The following ADGRV1 variants were observed in gnomAD, a reference collection of about 807,000 sequenced individuals.
ADGRV1 encodes the protein G-protein coupled receptor 98.
Under a neutral mutation model 596.2 loss-of-function variants are expected in ADGRV1, and 359 were observed. The ratio of observed to expected loss-of-function variants is 0.60; its 90% confidence interval spans 0.55 to 0.66. The LOEUF (loss-of-function observed/expected upper bound fraction) is 0.66, where lower values mean the gene tolerates loss of function less well. ADGRV1 is among the 30% of genes least tolerant of loss of function. ADGRV1 has a pLI of 0.00. For missense variants in ADGRV1, 7,274 were observed against 7,575.6 expected, an observed-to-expected ratio of 0.96 and a Z score of 1.48; for synonymous variants, 2,681 against 2,679.2, an observed-to-expected ratio of 1.00 and a Z score of -0.02.
intron 83 of ADGRV1, among the ~76,000 whole-genome samples, chr5:90,958,651 C>T (rs1211706538): frequency 6.6e-6 from 1 of 152,136 alleles, no homozygotes; most frequent in Non-Finnish European, 1.5e-5. Flanking sequence ...CATCATCTCC[C>T]TTTGTCTTCA....
At chr5:90,950,809 G>C (rs528106793) in intron 83 of ADGRV1, among the ~76,000 whole-genome samples, 1 of 152,168 alleles carries the variant, frequency 6.6e-6, no homozygotes, top group East Asian at 1.9e-4. Context: ...GAGAGCTTAG[G>C]CTTGAGTATT....
At position 90,689,978 on chromosome 5, in the gene ADGRV1, T is replaced by C. The variant is rs200055351; in HGVS notation, c.6608T>C (p.Val2203Ala). 3,407 of 1,609,442 alleles carry C rather than the reference T, an allele frequency of 2.1e-3. 27 individuals carry two copies. The highest frequency in any genetic ancestry group is 0.019 in the Middle Eastern group (114 of 6,058). Residue 2203 changes from valine (V) to alanine (A), a missense_variant, in exon 30 of 90, where the codon GTG (valine) becomes GCG (alanine). Physicochemically the swap from Val to Ala is moderately conservative, Grantham distance 64 (BLOSUM62 0). Coordinates refer to ENST00000405460, the MANE Select transcript of ADGRV1 (RefSeq NM_032119.4). ...CCTGAACTGGAAGAATCTTTTCTTG[T>C]GCAACTGATGAATGAAACAACAGGA... ...IYPELEESFL[V>A]QLMNETTGGA...
intron 38 of ADGRV1, 118 bp downstream of exon 38, chr5:90,706,512 T>C (rs1245295238): frequency 2.3e-6 from 2 of 861,204 alleles, no homozygotes; most frequent in African/African-American, 3.4e-5. Flanking sequence ...TATATATACA[T>C]GTGCCATGTT....
chr5:91,090,930 AGT>A (rs1324264213), intron 86 of ADGRV1, among the ~76,000 whole-genome samples: 3 of 152,162 alleles, frequency 2.0e-5, no homozygotes, highest in Admixed American at 6.5e-5. Context: ...TAGGAATCAA[AGT>A]GTGTCATACA....
chr5:91,148,804 G>A (rs1448320267), intron 87 of ADGRV1, among the ~76,000 whole-genome samples: 1 of 152,160 alleles, frequency 6.6e-6, no homozygotes, highest in Non-Finnish European at 1.5e-5. Context: ...CTGGGAGGGG[G>A]TCTGTAATGT....
At chr5:90,787,913 A>AG (rs1165155946) in intron 67 of ADGRV1, among the ~76,000 whole-genome samples, 158 bp from the exon 68 acceptor site, 1 of 152,000 alleles carries the variant, frequency 6.6e-6, no homozygotes, top group Non-Finnish European at 1.5e-5. Flanking sequence ...ATTTTTAACA[A>AG]AAAAAAACAA....
At chr5:90,618,838 A>C (rs965197407) in intron 3 of ADGRV1, among the ~76,000 whole-genome samples, 3 of 151,852 alleles carry the variant, frequency 2.0e-5, no homozygotes, top group Non-Finnish European at 4.4e-5. Context: ...ATTATTTATA[A>C]TTATACTATC....
chr5:90,757,372 A>G (rs983759420), intron 57 of ADGRV1, among the ~76,000 whole-genome samples: 22 of 115,604 alleles, frequency 1.9e-4, no homozygotes, highest in Non-Finnish European at 3.7e-4. Context: ...CCCTTTTCTG[A>G]ACCCCCGCCC....
chr5:90,675,154 C>A, intron 23 of ADGRV1, 89 bp from the exon 24 acceptor site: 1 of 1,156,038 alleles, frequency 8.7e-7, no homozygotes, highest in African/African-American at 1.5e-5. Context: ...GCCTGGTGAT[C>A]AAAATAATTG....
chr5:90,648,374 T>G (rs1768097252), intron 17 of ADGRV1, among the ~76,000 whole-genome samples: 2 of 152,358 alleles, frequency 1.3e-5, no homozygotes, highest in African/African-American at 4.8e-5. Flanking sequence ...CTCTTGATAG[T>G]TATTTTATTC....
chr5:90,976,748 C>T (rs940643185), intron 84 of ADGRV1, among the ~76,000 whole-genome samples: 15 of 152,132 alleles, frequency 9.9e-5, no homozygotes, highest in Admixed American at 8.5e-4. Context: ...ATGATCACTT[C>T]CTGTCACCAA....
chr5:91,025,400 A>G (rs1016002331), intron 85 of ADGRV1, among the ~76,000 whole-genome samples: 3 of 152,092 alleles, frequency 2.0e-5, no homozygotes, highest in African/African-American at 7.2e-5. Context: ...AATACAAATT[A>G]TCAAAATAGA....
intron 36 of ADGRV1, 41 bp from the exon 37 acceptor site, chr5:90,705,359 T>A (rs1748455946): frequency 6.4e-7 from 1 of 1,574,606 alleles, no homozygotes; most frequent in East Asian, 2.2e-5. Context: ...GATTAAAAGC[T>A]AATGCCAAAT....
At chr5:90,963,958 T>A (rs757210503) in intron 83 of ADGRV1, among the ~76,000 whole-genome samples, 1 of 151,838 alleles carries the variant, frequency 6.6e-6, no homozygotes, top group Non-Finnish European at 1.5e-5. Context: ...ATGTTGGGTC[T>A]TATGTAATTG....
chr5:90,677,765 G>A (rs187587918), intron 25 of ADGRV1, among the ~76,000 whole-genome samples: 9 of 152,276 alleles, frequency 5.9e-5, no homozygotes, highest in South Asian at 2.1e-4. Context: ...TTGCAGTTGC[G>A]TAGGAAGCAA....
At chr5:91,040,691 G>A (rs905095596) in intron 85 of ADGRV1, among the ~76,000 whole-genome samples, 2 of 152,178 alleles carry the variant, frequency 1.3e-5, no homozygotes, top group Non-Finnish European at 2.9e-5. Flanking sequence ...ATGACAACAA[G>A]ATACTGATAG....
intron 83 of ADGRV1, among the ~76,000 whole-genome samples, chr5:90,960,155 A>AC (rs59928842): frequency 0.092 from 13,435 of 146,114 alleles, 1,116 homozygotes; most frequent in East Asian, 0.23. Context: ...AAAAAAAAAC[A>AC]AAAAACAGAT....
At chr5:90,935,871 A>T (rs1450698313) in intron 83 of ADGRV1, among the ~76,000 whole-genome samples, 2 of 152,160 alleles carry the variant, frequency 1.3e-5, no homozygotes, top group African/African-American at 4.8e-5. Flanking sequence ...CCAGCTACCC[A>T]GGAGGCTAAG....
At chr5:90,722,886 C>G (rs1287626778) in intron 45 of ADGRV1, among the ~76,000 whole-genome samples, 3 of 151,760 alleles carry the variant, frequency 2.0e-5, no homozygotes, top group African/African-American at 7.3e-5. Flanking sequence ...ATAGACTGAA[C>G]TATAAGAAGG....
Sources: gnomAD v4.1 joint callset for allele counts (sites outside exome capture counted in the v4.1 genomes callset) on GRCh38, gnomAD v4.1.1 for gene constraint, MANE v1.5 for transcripts, NCBI Gene and HGNC (gene_info 2026-07-23, HGNC 2026-07-21) for gene names.